CR2: variants seen among roughly 807,000 people sequenced by gnomAD.
CR2 encodes complement receptor type 2.
In CR2, 96 loss-of-function variants were observed where a neutral mutation model predicts 123.0. The ratio of observed to expected loss-of-function variants is 0.78; its 90% CI spans 0.66 to 0.93. The LOEUF (loss-of-function observed/expected upper bound fraction) is 0.93, where lower values mean the gene tolerates loss of function less well. Among genes scored for constraint, CR2 ranks in the 40% least tolerant of loss-of-function variants. CR2 has a pLI of 0.00. For missense variants in CR2, 1,258 were observed against 1,361.0 expected (o/e 0.92, Z 1.19); for synonymous variants, 484 against 469.5 (o/e 1.03, Z -0.40).
Position 207,468,647 on chromosome 1 carries a change from T to A in CR2, c.566T>A (p.Leu189His). The change falls in exon 3 of 20, where the codon CTT (leucine) becomes CAT (histidine). Residue 189 changes from leucine to histidine, a missense_variant. Leu to His is a moderately conservative substitution (Grantham distance 99, BLOSUM62 -3). Coordinates refer to ENST00000367057, the MANE Select transcript of CR2 (RefSeq NM_001006658.3). ...TACAGCTGTGAATCTGGTTACTTGC[T>A]TGTTGGAGAAAAGATCATTAACTGT... is the stretch of plus-strand genomic sequence containing the variant. ...VTYSCESGYL[L>H]VGEKIINCLS... 6.2e-7 allele frequency: 1 copy of A among 1,614,096 alleles called. No individual in the cohort carries two copies. The highest frequency in any genetic ancestry group is 8.5e-7 in the Non-Finnish European group (1 of 1,179,978).
At chr1:207,455,184 A>T (rs1427671118) in intron 1 of CR2, among the ~76,000 whole-genome samples, 1 of 152,250 alleles carries the variant, frequency 6.6e-6, no homozygotes, top group Non-Finnish European at 1.5e-5. Flanking sequence ...AAGAAAGATT[A>T]TAATTAAGAT....
chr1:207,478,525 C>CAA (rs36116544), intron 16 of CR2, among the ~76,000 whole-genome samples: 369 of 58,616 alleles, frequency 6.3e-3, no homozygotes, highest in Non-Finnish European at 7.6e-3. Flanking sequence ...AAGACCCTAT[C>CAA]AAAAAAAAAA....
At chr1:207,465,626 G>A (rs1371194222) in intron 1 of CR2, among the ~76,000 whole-genome samples, 1 of 152,214 alleles carries the variant, frequency 6.6e-6, no homozygotes, top group African/African-American at 2.4e-5. Flanking sequence ...CAGTTTGGCT[G>A]TATCTTCTTA....
intron 17 of CR2, 81 bp downstream of exon 17, chr1:207,479,361 C>A (rs1658536579): frequency 5.2e-6 from 5 of 954,742 alleles, no homozygotes; most frequent in Non-Finnish European, 8.2e-6. Flanking sequence ...TATATCCTAT[C>A]TGATGATATA....
At chr1:207,458,059 AACACACACACACAC>A (rs59735642) in intron 1 of CR2, among the ~76,000 whole-genome samples, 3 of 122,662 alleles carry the variant, frequency 2.4e-5, no homozygotes, top group South Asian at 2.9e-4. Context: ...TCAAGGCCAC[AACACACACACACAC>A]ACACACACAC....
In CR2 at chr1:207,474,924, C is replaced by T. The variant is rs1658391765; in HGVS notation, c.2424C>T (p.Asp808=). 1 of 1,614,010 alleles carries T rather than the reference C, an allele frequency of 6.2e-7. No individual in the cohort carries two copies. Among genetic ancestry groups the T allele is most frequent in the Non-Finnish European group, 8.5e-7 (1 of 1,179,952 alleles). Residue 808 remains aspartate (D), a synonymous_variant, in exon 14 of 20, where the codon GAC becomes GAT. Coordinates refer to ENST00000367057, the MANE Select transcript of CR2 (RefSeq NM_001006658.3). ...GAAATGAAGTCTCTTATGAATGTGA[C>T]CAAGGATTCTATCTCCTGGGAGAGA... is the stretch of plus-strand genomic sequence containing the variant. The part of the protein sequence containing the change: ...LYGNEVSYEC[D]QGFYLLGEKK...
chr1:207,457,794 A>C (rs79069949), intron 1 of CR2, among the ~76,000 whole-genome samples: 120 of 151,906 alleles, frequency 7.9e-4, no homozygotes, highest in Non-Finnish European at 1.5e-3. Context: ...TTTTTGTTCT[A>C]TCTCTAAATA....
intron 1 of CR2, among the ~76,000 whole-genome samples, chr1:207,455,648 A>G (rs915083660): frequency 1.3e-5 from 2 of 152,202 alleles, no homozygotes; most frequent in African/African-American, 2.4e-5. Flanking sequence ...CCAGACCATT[A>G]TCTTCATCTC....
intron 19 of CR2, among the ~76,000 whole-genome samples, chr1:207,487,804 C>T (rs1250759874): frequency 7.2e-5 from 11 of 152,056 alleles, no homozygotes; most frequent in Admixed American, 5.9e-4. Flanking sequence ...CTCCTAGCTG[C>T]GTGGGCTTAG....
intron 1 of CR2, among the ~76,000 whole-genome samples, chr1:207,465,406 T>A (rs1476288708): frequency 1.4e-5 from 1 of 74,024 alleles, no homozygotes; most frequent in African/African-American, 3.8e-5. Flanking sequence ...GATTTTTTCA[T>A]ACATATATAT....
chr1:207,461,261 A>C (rs990299299), intron 1 of CR2, among the ~76,000 whole-genome samples: 1 of 152,076 alleles, frequency 6.6e-6, no homozygotes, highest in Admixed American at 6.6e-5. Flanking sequence ...TTTTCCCCAG[A>C]CTCTGACCTC....
chr1:207,454,515 C>A lies in CR2; in HGVS notation c.58+39C>A. 6.9e-7 allele frequency: 1 copy of A among 1,448,250 alleles called. No homozygotes were observed. The allele number at this position is 1,448,250 out of a possible 1,614,324, so 89.7% of individuals were successfully genotyped here. A position where few individuals can be genotyped will look rare whatever the true frequency, so the allele number is the denominator to read the frequency against. ...GGGAGCACGGAGGTGGGGACGCGTC[C>A]CGGGCAGGGAAAGTTTCTGTGCCGC... On this transcript the variant is annotated intron_variant, in intron 1 of 19. Coordinates refer to ENST00000367057, the MANE Select transcript of CR2 (RefSeq NM_001006658.3). The surrounding 1 kb of genome is among the most constrained non-coding windows in gnomAD (Gnocchi z 4.3).
intron 1 of CR2, among the ~76,000 whole-genome samples, chr1:207,459,757 C>A (rs1239379433): frequency 2.0e-5 from 3 of 152,130 alleles, no homozygotes; most frequent in African/African-American, 7.2e-5. Flanking sequence ...GTCCAGTGAC[C>A]CTCAAGAAAA....
In CR2 at chr1:207,454,585, C is replaced by T. The variant is rs954819252; in HGVS notation, c.58+109C>T. On this transcript the variant is annotated intron_variant, in intron 1 of 19. Coordinates refer to ENST00000367057, the MANE Select transcript of CR2 (RefSeq NM_001006658.3). The surrounding 1 kb of genome is among the most constrained non-coding windows in gnomAD (Gnocchi z 4.3). ...AAAGCGAGACGGTGGGGGCAGTGCT[C>T]GACGCGTGTCCGCCTCCCGCTAGCT... 17 of 818,474 alleles carry T rather than the reference C, an allele frequency of 2.1e-5. No individual in the cohort carries two copies. The African/African-American group carries it at 2.5e-4, about 12-fold the overall frequency. The allele number at this position is 818,474 out of a possible 1,614,324, so 50.7% of individuals were successfully genotyped here.
chr1:207,464,160 G>T (rs914220085), intron 1 of CR2, among the ~76,000 whole-genome samples: 1 of 152,156 alleles, frequency 6.6e-6, no homozygotes, highest in African/African-American at 2.4e-5. Context: ...TGTGGTCTGG[G>T]GCGGGGACTG....
Position 207,479,274 on chromosome 1 carries a change from CT to C in CR2, c.3109del (p.Cys1037ValfsTer7). On this transcript the variant is annotated frameshift_variant, in exon 17 of 20. Coordinates refer to ENST00000367057, the MANE Select transcript of CR2 (RefSeq NM_001006658.3). LOFTEE classifies it high-confidence loss of function. ...VCRSRSLAPV[L>X]CGIAAGLILL... ...ATTTTTAGGTTCACTTGCTCCTGTC[CT>C]TTGTGGTAAGTCTTCTTAAATACTT... 3 of 1,598,130 alleles carry C rather than the reference CT, an allele frequency of 1.9e-6. No homozygotes were observed. The highest frequency in any genetic ancestry group is 2.6e-6 in the Non-Finnish European group (3 of 1,166,258).
intron 13 of CR2, 71 bp from the exon 14 acceptor site, chr1:207,474,753 T>C (rs1658386614): frequency 2.0e-6 from 3 of 1,501,554 alleles, no homozygotes. Context: ...CATATTGTCA[T>C]TTGTACCTGA....
rs369363360 is a variant in CR2 at position 207,485,486 on chromosome 1, C to A, written c.3211C>A (p.Gln1071Lys). The A allele has an allele frequency of 1.6e-5, 25 of 1,611,158 alleles. No homozygotes were observed. Among genetic ancestry groups the A allele is most frequent in the African/African-American group, 8.0e-5 (6 of 74,950 alleles). ...TAGCAATTATTATACAGATACAAGC[C>A]AGAAAGAAGCTTTTCATTTAGAAGC... ...RARNYYTDTS[Q>K]KEAFHLEARE... The change falls in exon 19 of 20, where the codon CAG (glutamine) becomes AAG (lysine). Residue 1071 changes from glutamine (Q) to lysine (K), a missense_variant. Coordinates refer to ENST00000367057, the MANE Select transcript of CR2 (RefSeq NM_001006658.3).
chr1:207,486,933 A>G (rs1658766027), intron 19 of CR2, among the ~76,000 whole-genome samples: 1 of 152,248 alleles, frequency 6.6e-6, no homozygotes, highest in Admixed American at 6.5e-5. Flanking sequence ...CAGCTGATGT[A>G]CAAGTCTGTA....
Sources: allele counts gnomAD v4.1 joint callset (sites outside exome capture counted in the v4.1 genomes callset), GRCh38; gene constraint gnomAD v4.1.1; non-coding constraint Gnocchi (gnomAD v3.1); transcripts MANE v1.5; gene names NCBI Gene and HGNC (gene_info 2026-07-23, HGNC 2026-07-21).